KCNH1: variants seen among roughly 807,000 people sequenced by gnomAD.
KCNH1 encodes the protein voltage-gated delayed rectifier potassium channel KCNH1.
Under a neutral mutation model 69.2 loss-of-function variants are expected in KCNH1, and 27 were observed. That is an observed-to-expected ratio of 0.39 (90% CI 0.29 to 0.54). The LOEUF (loss-of-function observed/expected upper bound fraction) is 0.54, where lower values mean the gene tolerates loss of function less well. Among genes scored for constraint, KCNH1 ranks in the 20% least tolerant of loss-of-function variants. The probability of loss-of-function intolerance (pLI) is 0.68; values close to 1 mark genes in which losing one functional copy is unlikely to be tolerated. For synonymous variants in KCNH1, 456 were observed against 487.7 expected, an observed-to-expected ratio of 0.93 and a Z score of 0.86; for missense variants, 798 against 1,261.6, an observed-to-expected ratio of 0.63 and a Z score of 5.57.
At chr1:211,061,220 C>A (rs1271439449) in intron 5 of KCNH1, among the ~76,000 whole-genome samples, 1 of 152,142 alleles carries the variant, frequency 6.6e-6, no homozygotes, top group African/African-American at 2.4e-5. Context: ...ACAATCATTT[C>A]AACTGACACC....
Position 210,718,687 on chromosome 1 carries a change from CACACAT to C in KCNH1, c.2113-34555_2113-34550del, listed in dbSNP as rs1157025515. 7.1e-5 allele frequency among the ~76,000 whole-genome samples: 8 copies of C among 112,400 alleles called. 1 individual carries two copies. The highest frequency in any genetic ancestry group is 1.6e-4 in the African/African-American group (4 of 24,570). 73.7% of individuals were successfully genotyped at this position (112,400 alleles called of 152,430 possible). On this transcript the variant is annotated intron_variant, in intron 10 of 10. Coordinates refer to ENST00000271751, the MANE Select transcript of KCNH1 (RefSeq NM_172362.3). The stretch of plus-strand genomic sequence containing the variant: ...ACACACACACACACACACACACACA[CACACAT>C]ATATATATACACACTAAGTCTTCAA...
At chr1:210,995,666 T>C (rs1287384361) in intron 6 of KCNH1, among the ~76,000 whole-genome samples, 2 of 152,136 alleles carry the variant, frequency 1.3e-5, no homozygotes. Flanking sequence ...TGCAGAGAAA[T>C]GTATGAATAT....
chr1:210,891,088 C>T (rs2102522551), intron 7 of KCNH1, among the ~76,000 whole-genome samples: 1 of 152,260 alleles, frequency 6.6e-6, no homozygotes, highest in South Asian at 2.1e-4. Context: ...GTCACACGCA[C>T]ACGTATGTTT....
chr1:210,859,815 A>G, intron 7 of KCNH1: 1 of 1,049,416 alleles, frequency 9.5e-7, no homozygotes, highest in South Asian at 1.3e-5. Flanking sequence ...AACAGTCAAC[A>G]TCATTAAGCC....
At position 210,940,351 on chromosome 1, in the gene KCNH1, T is replaced by C. The variant is rs560564280; in HGVS notation, c.1033-20282A>G. Among the ~76,000 whole-genome samples, 3 of 152,310 alleles carry C rather than the reference T, an allele frequency of 2.0e-5. No homozygotes were observed. The East Asian group carries it at 5.8e-4, about 29-fold the overall frequency. ...AATGCAGCAGCAAGCACAAGTTAGC[T>C]GCCATCATAAAGACTGAATTAGCAC... On this transcript the variant is annotated intron_variant, in intron 6 of 10. Transcript: ENST00000271751.
At chr1:210,747,879 A>T (rs1287655339) in intron 10 of KCNH1, among the ~76,000 whole-genome samples, 1 of 152,234 alleles carries the variant, frequency 6.6e-6, no homozygotes, top group African/African-American at 2.4e-5. Context: ...CCATGTAATA[A>T]ATACATAAAA....
intron 7 of KCNH1, among the ~76,000 whole-genome samples, chr1:210,882,440 C>T (rs1686515663): frequency 6.6e-6 from 1 of 152,086 alleles, no homozygotes; most frequent in Admixed American, 6.6e-5. Context: ...CACCTTATCC[C>T]ACCGCCATTG....
intron 7 of KCNH1, among the ~76,000 whole-genome samples, chr1:210,834,142 C>G (rs1022122407): frequency 1.8e-4 from 27 of 152,176 alleles, no homozygotes; most frequent in African/African-American, 6.5e-4. Context: ...CCTCAGGGAT[C>G]TGGAACTAGA....
chr1:210,914,432 G>A (rs1687295220), intron 7 of KCNH1, among the ~76,000 whole-genome samples: 1 of 152,062 alleles, frequency 6.6e-6, no homozygotes, highest in Non-Finnish European at 1.5e-5. Context: ...TTTAAATAAG[G>A]TCATGAAGGA....
intron 10 of KCNH1, among the ~76,000 whole-genome samples, chr1:210,692,939 C>T (rs1681556273): frequency 6.6e-6 from 1 of 152,172 alleles, no homozygotes; most frequent in Admixed American, 6.5e-5. Flanking sequence ...AACTAGAGCA[C>T]AAGGTCTGCT....
chr1:210,699,419 T>C (rs923608527), intron 10 of KCNH1, among the ~76,000 whole-genome samples: 21 of 152,082 alleles, frequency 1.4e-4, no homozygotes, highest in African/African-American at 4.8e-4. Context: ...GTAGCATGAG[T>C]ACAAGAATGG....
intron 6 of KCNH1, among the ~76,000 whole-genome samples, chr1:210,966,634 G>C (rs1178098222): frequency 6.6e-6 from 1 of 152,176 alleles, no homozygotes; most frequent in African/African-American, 2.4e-5. Flanking sequence ...ATCATCACTG[G>C]TCATCAGACA....
At chr1:210,697,715 G>T (rs563539196) in intron 10 of KCNH1, among the ~76,000 whole-genome samples, 105 of 152,344 alleles carry the variant, frequency 6.9e-4, no homozygotes, top group African/African-American at 2.5e-3. Flanking sequence ...CAGGGCTCAG[G>T]GACTAGTGGC....
intron 5 of KCNH1, among the ~76,000 whole-genome samples, chr1:211,070,970 T>G (rs191749997): frequency 2.0e-5 from 3 of 152,222 alleles, no homozygotes; most frequent in Admixed American, 6.5e-5. Flanking sequence ...CTCTAAAAAT[T>G]TACTAATAGC....
chr1:210,920,406 C>T (rs1039144428), intron 6 of KCNH1, among the ~76,000 whole-genome samples: 4 of 152,078 alleles, frequency 2.6e-5, no homozygotes, highest in Admixed American at 6.5e-5. Context: ...TATTTCATCT[C>T]ATGGAAATGA....
At chr1:210,805,183 C>T (rs936327046) in intron 7 of KCNH1, among the ~76,000 whole-genome samples, 3 of 152,164 alleles carry the variant, frequency 2.0e-5, no homozygotes, top group Non-Finnish European at 4.4e-5. Flanking sequence ...GTGTGAGTTG[C>T]TTGAAGGCTG....
rs114826190 is a variant in KCNH1 at position 210,870,437 on chromosome 1, A to G, written c.1462+49203T>C. Among the ~76,000 whole-genome samples the G allele has an allele frequency of 9.8e-4, 149 of 152,278 alleles. 1 individual carries two copies. The highest frequency in any genetic ancestry group is 3.4e-3 in the African/African-American group (143 of 41,562). On this transcript the variant is annotated intron_variant, in intron 7 of 10. Coordinates refer to ENST00000271751, the MANE Select transcript of KCNH1 (RefSeq NM_172362.3). ...CCAGCACAAGAATTGAAAAAAGCAC[A>G]TGGTACTCTCCCAGCTGAGATTCTT...
chr1:211,113,410 G>T (rs1691508034), intron 1 of KCNH1, among the ~76,000 whole-genome samples: 1 of 152,184 alleles, frequency 6.6e-6, no homozygotes, highest in Admixed American at 6.5e-5. Flanking sequence ...GATGTGAGTA[G>T]AAGTCATTGT....
chr1:211,022,468 C>T (rs1235099998), intron 5 of KCNH1, among the ~76,000 whole-genome samples: 1 of 151,896 alleles, frequency 6.6e-6, no homozygotes, highest in Non-Finnish European at 1.5e-5. Flanking sequence ...GCAAAAATAG[C>T]CAAATAGGAT....
Sources: allele counts gnomAD v4.1 joint callset (sites outside exome capture counted in the v4.1 genomes callset), GRCh38; gene constraint gnomAD v4.1.1; transcripts MANE v1.5; gene names NCBI Gene and HGNC (gene_info 2026-07-23, HGNC 2026-07-21).